Variants in PRR36 observed in about 807,000 individuals in gnomAD.
PRR36 encodes the protein proline-rich protein 36.
Under a neutral mutation model 58.6 loss-of-function variants are expected in PRR36, and 30 were observed. The observed-to-expected ratio is 0.51, with a 90% CI of 0.38 to 0.69. The LOEUF is 0.69. PRR36 is among the 30% of genes least tolerant of loss of function. PRR36 has a pLI of 0.00. For missense variants in PRR36, 1,692 were observed against 1,805.6 expected, an observed-to-expected ratio of 0.94 and a Z score of 1.14; for synonymous variants, 771 against 829.3, an observed-to-expected ratio of 0.93 and a Z score of 1.21.
Position 7,868,989 on chromosome 19 carries a change from C to T in PRR36, c.*44G>A, listed in dbSNP as rs532659604. On this transcript the variant is annotated 3_prime_UTR_variant, in exon 6 of 6. Coordinates refer to ENST00000618550, the MANE Select transcript of PRR36 (RefSeq NM_001190467.2). The stretch of plus-strand genomic sequence containing the variant: ...AAACGGCGTACCCGGAGGGGCGGAT[C>T]CTAAGGCAGGGGTGGGGTGTAGCAG... The T allele has an allele frequency of 4.8e-6, 7 of 1,464,682 alleles. No homozygotes were observed. The African/African-American group carries it at 7.2e-5, about 15-fold the overall frequency. The allele number at this position is 1,464,682 out of a possible 1,614,324, so 90.7% of individuals were successfully genotyped here.
Position 7,872,323 on chromosome 19 carries a change from G to A in PRR36, c.921C>T (p.Pro307=), listed in dbSNP as rs1392208257. The A allele has an allele frequency of 2.7e-6, 4 of 1,454,680 alleles. No individual in the cohort carries two copies. Among genetic ancestry groups the A allele is most frequent in the South Asian group, 1.4e-5 (1 of 69,826 alleles). 90.1% of individuals were successfully genotyped at this position (1,454,680 alleles called of 1,614,324 possible). ...GTCTTGCCTTGGTACCCGATGGAGAGGGTGTGGCCAAAGGAGAGGAAGAAA... is the reference window on the plus strand; with the variant it reads ...GTCTTGCCTTGGTACCCGATGGAGAAGGTGTGGCCAAAGGAGAGGAAGAAA... ...GPLSSSPLAT[P]SPSGTKARPV... Residue 307 remains proline (P), a synonymous_variant, in exon 5 of 6, where the codon CCC becomes CCT. Transcript: ENST00000618550. The surrounding 1 kb of genome is among the most constrained non-coding windows in gnomAD (Gnocchi z 6.1).
In PRR36 at chr19:7,870,391, A is replaced by AG; in HGVS notation, c.2852dup (p.Leu952SerfsTer54). 2.8e-6 allele frequency: 1 copy of AG among 351,170 alleles called. No homozygotes were observed. Among genetic ancestry groups the AG allele is most frequent in the Non-Finnish European group, 3.5e-6 (1 of 283,916 alleles). 21.8% of individuals were successfully genotyped at this position (351,170 alleles called of 1,614,324 possible). ...GGACCTGCAGAGGAGGCGCAGCGAG[A>AG]GGGGGTGGGGCCTGTGGAGGGGGCG... On this transcript the variant is annotated frameshift_variant, in exon 5 of 6. Transcript: ENST00000618550. LOFTEE classifies it high-confidence loss of function.
chr19:7,868,853 G>A lies in PRR36; in HGVS notation c.*180C>T, dbSNP rs544478019. The A allele has an allele frequency of 6.0e-6, 4 of 672,124 alleles. No homozygotes were observed. The highest frequency in any genetic ancestry group is 1.9e-5 in the African/African-American group (1 of 52,822). 41.6% of individuals were successfully genotyped at this position (672,124 alleles called of 1,614,324 possible). A position where few individuals can be genotyped will look rare whatever the true frequency, so the allele number is the denominator to read the frequency against. The stretch of plus-strand genomic sequence containing the variant: ...GGCGGAGCTCGAGGGGCGGGCCTAG[G>A]TCAAAGCTGTGGGTAGGTCCCGAGC... On this transcript the variant is annotated 3_prime_UTR_variant, in exon 6 of 6. Coordinates refer to ENST00000618550, the MANE Select transcript of PRR36 (RefSeq NM_001190467.2).
In PRR36 at chr19:7,873,463, C is replaced by G; in HGVS notation, c.227G>C (p.Arg76Pro). 1 of 1,534,718 alleles carries G rather than the reference C, an allele frequency of 6.5e-7. No individual in the cohort carries two copies. The highest frequency in any genetic ancestry group is 8.7e-7 in the Non-Finnish European group (1 of 1,146,496). ...GGATIPESAP[R>P]AGPTRSAGTS... is the part of the protein sequence containing the mutation. ...CCCAGCACTCCGCGTTGGTCCCGCT[C>G]GGGGAGCAGACTCGGGAATAGTGGC... The change falls in exon 2 of 6, where the codon CGA becomes CCA. Residue 76 changes from arginine to proline, a missense_variant. By Grantham distance (103) the Arg-to-Pro change is moderately radical (BLOSUM62 -2). Coordinates refer to ENST00000618550, the MANE Select transcript of PRR36 (RefSeq NM_001190467.2). This position sits in a 1 kb window ranked among gnomAD's most constrained non-coding sequence, Gnocchi z 5.0.
rs1212587138 is a variant in PRR36, at chr19:7,873,393, G to A, written c.271+26C>T. 5 of 1,519,836 alleles carry A rather than the reference G, an allele frequency of 3.3e-6. No homozygotes were observed. The highest frequency in any genetic ancestry group is 1.4e-5 in the African/African-American group (1 of 72,870). 94.1% of individuals were successfully genotyped at this position (1,519,836 alleles called of 1,614,324 possible). A position where few individuals can be genotyped will look rare whatever the true frequency, so the allele number is the denominator to read the frequency against. ...TGGAAGGGGGAGGGAAGATGGGGGC[G>A]GAGCTGAGGAAGGAGGCTGGGGTAC... On this transcript the variant is annotated intron_variant, in intron 2 of 5. Transcript: ENST00000618550. The surrounding 1 kb of genome is among the most constrained non-coding windows in gnomAD (Gnocchi z 5.0).
chr19:7,872,996 C>G lies in PRR36; in HGVS notation c.375-35G>C. 2 of 1,493,346 alleles carry G rather than the reference C, an allele frequency of 1.3e-6. No homozygotes were observed. Among genetic ancestry groups the G allele is most frequent in the Non-Finnish European group, 9.0e-7 (1 of 1,111,298 alleles). 92.5% of individuals were successfully genotyped at this position (1,493,346 alleles called of 1,614,324 possible). A position where few individuals can be genotyped will look rare whatever the true frequency, so the allele number is the denominator to read the frequency against. ...GAAGGGGCCACGCTCAGGCCTAGGT[C>G]TTTGTTTGGCTTCCCAAGTCTCTAT... is the stretch of plus-strand genomic sequence containing the variant. On this transcript the variant is annotated intron_variant, in intron 3 of 5. Coordinates refer to ENST00000618550, the MANE Select transcript of PRR36 (RefSeq NM_001190467.2). The surrounding 1 kb of genome is among the most constrained non-coding windows in gnomAD (Gnocchi z 6.1).
rs1980478364 is a variant in PRR36 at position 7,872,048 on chromosome 19, G to A, written c.1196C>T (p.Pro399Leu). 5 of 1,535,564 alleles carry A rather than the reference G, an allele frequency of 3.3e-6. No individual in the cohort carries two copies. Among genetic ancestry groups the A allele is most frequent in the Non-Finnish European group, 3.5e-6 (4 of 1,146,774 alleles). Residue 399 changes from proline (P) to leucine (L), a missense_variant, in exon 5 of 6, where the codon CCC (proline) becomes CTC (leucine). Pro to Leu is a moderately conservative substitution (Grantham distance 98). Coordinates refer to ENST00000618550, the MANE Select transcript of PRR36 (RefSeq NM_001190467.2). This position sits in a 1 kb window ranked among gnomAD's most constrained non-coding sequence, Gnocchi z 6.1. ...PPATPPSQVP[P>L]TQLIMSFPEA... ...TGGAAAGGACATAATCAGCTGTGTG[G>A]GTGGAACTTGCGAGGGGGGCGTGGC...
At position 7,873,326 on chromosome 19, in the gene PRR36, T is replaced by C; in HGVS notation, c.272-27A>G. The C allele has an allele frequency of 2.0e-6, 3 of 1,523,144 alleles. No homozygotes were observed. The highest frequency in any genetic ancestry group is 2.6e-6 in the Non-Finnish European group (3 of 1,140,302). 94.4% of individuals were successfully genotyped at this position (1,523,144 alleles called of 1,614,324 possible). ...TGCGGGGAGAAGGCCGAGTCACAGG[T>C]GCCCCGGAGAGGTGGCAGTGGAGGT... On this transcript the variant is annotated intron_variant, in intron 2 of 5. Transcript: ENST00000618550. The surrounding 1 kb of genome is among the most constrained non-coding windows in gnomAD (Gnocchi z 5.0).
At position 7,869,198 on chromosome 19, in the gene PRR36, G is replaced by T. The variant is rs1457855589; in HGVS notation, c.3876C>A (p.Gly1292=). 1.3e-6 allele frequency: 2 copies of T among 1,531,436 alleles called. No individual in the cohort carries two copies. Among genetic ancestry groups the T allele is most frequent in the African/African-American group, 2.8e-5 (2 of 72,500 alleles). The allele number at this position is 1,531,436 out of a possible 1,614,324, so 94.9% of individuals were successfully genotyped here. ...CGGCGTCGCTGAGTGCAGCCCGGGC[G>T]CCCCCTGTGACGCCACCACCCTCCG... ...GGAEGGGVTG[G]ARAALSDAEL... Residue 1292 remains glycine (G), a synonymous_variant, in exon 6 of 6, where the codon GGC becomes GGA. Coordinates refer to ENST00000618550, the MANE Select transcript of PRR36 (RefSeq NM_001190467.2).
rs903244238 is a variant in PRR36, at chr19:7,870,019, C to G, written c.3225G>C (p.Gln1075His). 3 of 1,435,888 alleles carry G rather than the reference C, an allele frequency of 2.1e-6. No individual in the cohort carries two copies. In the Admixed American group the frequency reaches 8.1e-5, roughly 39 times the overall value. The allele number at this position is 1,435,888 out of a possible 1,614,324, so 88.9% of individuals were successfully genotyped here. A position where few individuals can be genotyped will look rare whatever the true frequency, so the allele number is the denominator to read the frequency against. ...CCGGGGTCGGGGGGCGGCGTGGGGC[C>G]TGCAGGGTGGGTGAGGCAGGGGGAG... Reference protein sequence around the residue: ...PPSPPASPTLQAPRRPPTPGP... With the variant: ...PPSPPASPTLHAPRRPPTPGP... The change falls in exon 5 of 6, where the codon CAG becomes CAC. Residue 1075 changes from glutamine (Q) to histidine (H), a missense_variant. Coordinates refer to ENST00000618550, the MANE Select transcript of PRR36 (RefSeq NM_001190467.2).
In PRR36 at chr19:7,869,141, G is replaced by A. The variant is rs1480800384; in HGVS notation, c.3933C>T (p.Pro1311=). The A allele has an allele frequency of 9.1e-6, 14 of 1,535,314 alleles. No individual in the cohort carries two copies. The East Asian group carries it at 3.4e-4, about 38-fold the overall frequency. The change falls in exon 6 of 6, where the codon CCC becomes CCT. Residue 1311 remains proline (P), a synonymous_variant. Transcript: ENST00000618550. The stretch of plus-strand genomic sequence containing the variant: ...TGATGCTGGCACGGGACTCGTCCAG[G>A]GGAGACAGTAGTTCGGCCCAGCGGC... ...ELGRWAELLS[P]LDESRASITS...
chr19:7,873,715 C>T lies in PRR36; in HGVS notation c.-7-19G>A, dbSNP rs1980579446. On this transcript the variant is annotated intron_variant, in intron 1 of 5. Transcript: ENST00000618550. The surrounding 1 kb of genome is among the most constrained non-coding windows in gnomAD (Gnocchi z 5.0). Reference sequence around the variant, plus strand: ...CTTGCACCTGAAGAGACAAACCGGTCCGCATCCCAGGTTCTGGACAGCTAC... The same window carrying T: ...CTTGCACCTGAAGAGACAAACCGGTTCGCATCCCAGGTTCTGGACAGCTAC... 2 of 1,530,352 alleles carry T rather than the reference C, an allele frequency of 1.3e-6. No individual in the cohort carries two copies. The highest frequency in any genetic ancestry group is 2.7e-5 in the African/African-American group (2 of 72,840). The allele number at this position is 1,530,352 out of a possible 1,614,324, so 94.8% of individuals were successfully genotyped here. A position where few individuals can be genotyped will look rare whatever the true frequency, so the allele number is the denominator to read the frequency against.
In PRR36 at chr19:7,874,035, G is replaced by C. The variant is rs1980592383; in HGVS notation, c.-8+251C>G. ...CAGGGACTCAGACCGCCAGCCTCGAGAGCGGGGGACTGCCACGGGCTCAGG... is the reference window on the plus strand; with the variant it reads ...CAGGGACTCAGACCGCCAGCCTCGACAGCGGGGGACTGCCACGGGCTCAGG... On this transcript the variant is annotated intron_variant, in intron 1 of 5. Transcript: ENST00000618550. This position sits in a 1 kb window ranked among gnomAD's most constrained non-coding sequence, Gnocchi z 6.0. 6.6e-6 allele frequency among the ~76,000 whole-genome samples: 1 copy of C among 152,022 alleles called. No individual in the cohort carries two copies. The highest frequency in any genetic ancestry group is 1.5e-5 in the Non-Finnish European group (1 of 67,984).
At position 7,869,411 on chromosome 19, in the gene PRR36, C is replaced by T. The variant is rs936105807; in HGVS notation, c.3663G>A (p.Thr1221=). The change falls in exon 6 of 6, where the codon ACG becomes ACA. Residue 1221 remains threonine, a synonymous_variant. Transcript: ENST00000618550. The part of the protein sequence containing the change: ...GALDPGPSPG[T]SGGKAAAGAG... The stretch of plus-strand genomic sequence containing the variant: ...CCCCAGCCGCCGCCTTCCCACCGCT[C>T]GTGCCGGGACTGGGCCCCGGATCCA... The T allele has an allele frequency of 2.7e-6, 4 of 1,486,402 alleles. No homozygotes were observed. Among genetic ancestry groups the T allele is most frequent in the African/African-American group, 2.9e-5 (2 of 68,364 alleles). The allele number at this position is 1,486,402 out of a possible 1,614,324, so 92.1% of individuals were successfully genotyped here. A position where few individuals can be genotyped will look rare whatever the true frequency, so the allele number is the denominator to read the frequency against.
At position 7,870,166 on chromosome 19, in the gene PRR36, A is replaced by C. The variant is rs1262205667; in HGVS notation, c.3078T>G (p.Pro1026=). The stretch of plus-strand genomic sequence containing the variant: ...AAGGGGCCTGCCCAGGGAATGAGGC[A>C]GGCGGAGAGGGAAGGGCCTGCAGAG... ...TPPLQALPSP[P]ASFPGQAPFS... Residue 1026 remains proline (P), a synonymous_variant, in exon 5 of 6, where the codon CCT becomes CCG. Transcript: ENST00000618550. 2.9e-6 allele frequency: 4 copies of C among 1,402,676 alleles called. No individual in the cohort carries two copies. Among genetic ancestry groups the C allele is most frequent in the Non-Finnish European group, 3.7e-6 (4 of 1,085,998 alleles). The allele number at this position is 1,402,676 out of a possible 1,614,324, so 86.9% of individuals were successfully genotyped here. A position where few individuals can be genotyped will look rare whatever the true frequency, so the allele number is the denominator to read the frequency against.
At position 7,871,418 on chromosome 19, in the gene PRR36, G is replaced by A. The variant is rs1980438711; in HGVS notation, c.1826C>T (p.Ser609Phe). 1 of 1,535,668 alleles carries A rather than the reference G, an allele frequency of 6.5e-7. No individual in the cohort carries two copies. The highest frequency in any genetic ancestry group is 1.4e-5 in the African/African-American group (1 of 72,934). The change falls in exon 5 of 6, where the codon TCC (serine) becomes TTC (phenylalanine). Residue 609 changes from serine (S) to phenylalanine (F), a missense_variant. Transcript: ENST00000618550. Reference sequence around the variant, plus strand: ...CAAAGAAGTTGTGGCCTGCAGAGAGGACAAAGCCAGAGGAGAGGGAGGTGC... The same window carrying A: ...CAAAGAAGTTGTGGCCTGCAGAGAGAACAAAGCCAGAGGAGAGGGAGGTGC... Reference protein sequence around the residue: ...LQAPPSPLALSSLQATTSLGS... With the variant: ...LQAPPSPLALFSLQATTSLGS...
chr19:7,869,776 A>G lies in PRR36; in HGVS notation c.3468T>C (p.Ala1156=), dbSNP rs542031608. ...CTCGACTCCAGGCAGCCGGGTGGCAAGCGGCGAGCTCTGCGTCGGGGGGCG... is the reference window on the plus strand; with the variant it reads ...CTCGACTCCAGGCAGCCGGGTGGCAGGCGGCGAGCTCTGCGTCGGGGGGCG... The part of the protein sequence containing the change: ...ASPPPDAELA[A]CHPAAWSRGP... The change falls in exon 5 of 6, where the codon GCT becomes GCC. Residue 1156 remains alanine, a synonymous_variant. Coordinates refer to ENST00000618550, the MANE Select transcript of PRR36 (RefSeq NM_001190467.2). 1.2e-5 allele frequency: 16 copies of G among 1,360,024 alleles called. No homozygotes were observed. In the African/African-American group the frequency reaches 2.3e-4, roughly 20 times the overall value. The allele number at this position is 1,360,024 out of a possible 1,614,324, so 84.2% of individuals were successfully genotyped here. A position where few individuals can be genotyped will look rare whatever the true frequency, so the allele number is the denominator to read the frequency against.
chr19:7,872,062 G>A lies in PRR36; in HGVS notation c.1182C>T (p.Pro394=), dbSNP rs983770265. Residue 394 remains proline, a synonymous_variant, in exon 5 of 6, where the codon CCC becomes CCT. Coordinates refer to ENST00000618550, the MANE Select transcript of PRR36 (RefSeq NM_001190467.2). The surrounding 1 kb of genome is among the most constrained non-coding windows in gnomAD (Gnocchi z 6.1). ...TCAGCTGTGTGGGTGGAACTTGCGAGGGGGGCGTGGCTGGTGGAGAGGGGA... is the reference window on the plus strand; with the variant it reads ...TCAGCTGTGTGGGTGGAACTTGCGAAGGGGGCGTGGCTGGTGGAGAGGGGA... ...QTLPSPPATP[P]SQVPPTQLIM... 2.6e-6 allele frequency: 4 copies of A among 1,535,664 alleles called. No individual in the cohort carries two copies. Among genetic ancestry groups the A allele is most frequent in the Non-Finnish European group, 3.5e-6 (4 of 1,146,758 alleles).
Position 7,871,277 on chromosome 19 carries a change from A to C in PRR36, c.1967T>G (p.Leu656Arg), listed in dbSNP as rs1938994419. 2.6e-6 allele frequency: 4 copies of C among 1,519,706 alleles called. No homozygotes were observed. The African/African-American group carries it at 5.9e-5, about 22-fold the overall frequency. 94.1% of individuals were successfully genotyped at this position (1,519,706 alleles called of 1,614,324 possible). Residue 656 changes from leucine (L) to arginine (R), a missense_variant, in exon 5 of 6, where the codon CTG becomes CGG. Around this residue, in one of 5 missense-constraint regions of PRR36, gnomAD observed 975 missense variants for 955.2 expected, o/e 1.02. Transcript: ENST00000618550. ...GGCAGGAAGGGAAAGAGGGGCCTGC[A>C]GAGGGGGTGAATCAGGGGGAGTAGA... The part of the protein sequence containing the change: ...PASTPPDSPP[L>R]QAPLSLPASP...
Sources: gnomAD v4.1 joint callset for allele counts (sites outside exome capture counted in the v4.1 genomes callset) on GRCh38, gnomAD v4.1.1 for gene constraint, gnomAD v4.1.1 regional missense constraint, Gnocchi (gnomAD v3.1) non-coding constraint, MANE v1.5 for transcripts, NCBI Gene and HGNC (gene_info 2026-07-23, HGNC 2026-07-21) for gene names.